GRID2: variants seen among roughly 807,000 people sequenced by gnomAD.
GRID2 encodes the protein glutamate receptor ionotropic, delta-2.
A neutral mutation model predicts 114.8 loss-of-function variants in GRID2; 33 were observed. The ratio of observed to expected loss-of-function variants is 0.29; its 90% CI spans 0.22 to 0.38. The LOEUF is 0.38. Ranked by LOEUF, GRID2 falls within the 10% of genes least tolerant of loss-of-function variation. The pLI is 1.00. For synonymous variants in GRID2, 505 were observed against 449.9 expected, an observed-to-expected ratio of 1.12 and a Z score of -1.55; for missense variants, 1,184 against 1,257.7, an observed-to-expected ratio of 0.94 and a Z score of 0.89.
intron 2 of GRID2, among the ~76,000 whole-genome samples, chr4:92,674,765 C>A (rs1264730189): frequency 2.0e-5 from 3 of 152,150 alleles, no homozygotes; most frequent in Admixed American, 1.3e-4. Flanking sequence ...TCGTGATCCA[C>A]CCGCTTCGGC....
At chr4:92,390,292 A>C (rs1020304809) in intron 1 of GRID2, among the ~76,000 whole-genome samples, 1 of 152,208 alleles carries the variant, frequency 6.6e-6, no homozygotes, top group South Asian at 2.1e-4. Context: ...AATGACAAAT[A>C]AAATTAATTG....
At chr4:93,557,932 A>T (rs1054077893) in intron 13 of GRID2, among the ~76,000 whole-genome samples, 8 of 152,176 alleles carry the variant, frequency 5.3e-5, no homozygotes, top group Non-Finnish European at 1.0e-4. Flanking sequence ...GGATTAAGAA[A>T]CTCACTCAAA....
At chr4:93,635,536 C>T (rs545820756) in intron 14 of GRID2, among the ~76,000 whole-genome samples, 1 of 152,048 alleles carries the variant, frequency 6.6e-6, no homozygotes, top group South Asian at 2.1e-4. Flanking sequence ...GGAATCCATA[C>T]AAAGGAATAT....
At chr4:93,394,429 C>T (rs978194) in intron 8 of GRID2, among the ~76,000 whole-genome samples, 2 of 151,904 alleles carry the variant, frequency 1.3e-5, no homozygotes, top group Non-Finnish European at 2.9e-5. Flanking sequence ...TTTTCATTTT[C>T]TTAATTAAAC....
intron 2 of GRID2, among the ~76,000 whole-genome samples, chr4:92,985,785 G>A (rs1455804889): frequency 6.6e-6 from 1 of 152,102 alleles, no homozygotes; most frequent in Admixed American, 6.5e-5. Flanking sequence ...TGAGTCAGAT[G>A]TTGTCACTCA....
chr4:92,566,579 A>G (rs1049324797), intron 1 of GRID2, among the ~76,000 whole-genome samples: 2 of 151,970 alleles, frequency 1.3e-5, no homozygotes, highest in Non-Finnish European at 2.9e-5. Context: ...TTGTCTCTCT[A>G]TGCTCCTTAC....
chr4:93,530,278 T>C (rs1280169313), intron 13 of GRID2, among the ~76,000 whole-genome samples: 1 of 152,184 alleles, frequency 6.6e-6, no homozygotes, highest in Non-Finnish European at 1.5e-5. Context: ...ACTTTATCTC[T>C]AGTGCAAATT....
chr4:92,484,591 A>T (rs1041756646), intron 1 of GRID2, among the ~76,000 whole-genome samples: 2 of 152,078 alleles, frequency 1.3e-5, no homozygotes, highest in Admixed American at 1.3e-4. Context: ...ACATAATTTT[A>T]TATAATATTT....
At chr4:93,598,073 A>G (rs1739285728) in intron 13 of GRID2, among the ~76,000 whole-genome samples, 1 of 152,188 alleles carries the variant, frequency 6.6e-6, no homozygotes, top group South Asian at 2.1e-4. Flanking sequence ...TATACTCTAT[A>G]CATTCTCTGG....
At chr4:92,886,674 G>A (rs1277096372) in intron 2 of GRID2, among the ~76,000 whole-genome samples, 1 of 151,984 alleles carries the variant, frequency 6.6e-6, no homozygotes, top group African/African-American at 2.4e-5. Flanking sequence ...CGCCCAGGCT[G>A]GAGCGCAGCG....
At chr4:92,728,448 A>G (rs1407377232) in intron 2 of GRID2, among the ~76,000 whole-genome samples, 1 of 152,080 alleles carries the variant, frequency 6.6e-6, no homozygotes, top group Admixed American at 6.6e-5. Context: ...AGCTCGCTCA[A>G]GTGATTGTTG....
intron 1 of GRID2, among the ~76,000 whole-genome samples, chr4:92,322,958 C>T (rs1400387742): frequency 6.6e-6 from 1 of 151,716 alleles, no homozygotes; most frequent in Non-Finnish European, 1.5e-5. Context: ...GTAATTGCTC[C>T]CTTTATTATT....
At chr4:92,530,198 A>G (rs879922252) in intron 1 of GRID2, among the ~76,000 whole-genome samples, 1 of 152,146 alleles carries the variant, frequency 6.6e-6, no homozygotes, top group East Asian at 1.9e-4. Flanking sequence ...TTTTCAAACT[A>G]TCATAAAATA....
chr4:93,066,668 C>CT (rs1229917995), intron 2 of GRID2, among the ~76,000 whole-genome samples: 1 of 151,690 alleles, frequency 6.6e-6, no homozygotes, highest in East Asian at 1.9e-4. Context: ...AGATAAAATA[C>CT]TTTTTCTTAT....
chr4:93,140,970 T>A (rs900296489), intron 4 of GRID2, among the ~76,000 whole-genome samples: 1 of 152,184 alleles, frequency 6.6e-6, no homozygotes, highest in Non-Finnish European at 1.5e-5. Flanking sequence ...ATGTCACATT[T>A]TGACAAACTG....
intron 11 of GRID2, among the ~76,000 whole-genome samples, chr4:93,461,316 A>G (rs976637145): frequency 3.9e-5 from 6 of 152,126 alleles, no homozygotes; most frequent in African/African-American, 1.4e-4. Flanking sequence ...TCTGATTAAA[A>G]ATAAATGAAG....
At chr4:93,799,663 A>G (rs1182281668) in intron 1 of GRID2, among the ~76,000 whole-genome samples, 1 of 152,218 alleles carries the variant, frequency 6.6e-6, no homozygotes, top group African/African-American at 2.4e-5. Context: ...GTTATCTGGT[A>G]TATTTAATCA....
At chr4:93,286,293 G>A (rs888825434) in intron 8 of GRID2, among the ~76,000 whole-genome samples, 5 of 152,090 alleles carry the variant, frequency 3.3e-5, no homozygotes, top group African/African-American at 1.2e-4. Context: ...AGCCTATTAG[G>A]AAGATGGATT....
chr4:92,762,834 G>A (rs756224000), intron 2 of GRID2, among the ~76,000 whole-genome samples: 2 of 152,192 alleles, frequency 1.3e-5, no homozygotes, highest in African/African-American at 4.8e-5. Context: ...CCACACTGAC[G>A]TAGGGGATTC....
Sources: allele counts gnomAD v4.1 joint callset (sites outside exome capture counted in the v4.1 genomes callset), GRCh38; gene constraint gnomAD v4.1.1; transcripts MANE v1.5; gene names NCBI Gene and HGNC (gene_info 2026-07-23, HGNC 2026-07-21).